The following GNB4 variants were observed in gnomAD, a reference collection of about 807,000 sequenced individuals.
The protein encoded by GNB4 is guanine nucleotide-binding protein subunit beta-4.
In GNB4, 28 loss-of-function variants were observed where a neutral mutation model predicts 45.2. The ratio of observed to expected loss-of-function variants is 0.62; its 90% CI spans 0.46 to 0.85. The LOEUF (loss-of-function observed/expected upper bound fraction) is 0.85. Among genes scored for constraint, GNB4 ranks in the 40% least tolerant of loss-of-function variants. The pLI is 0.00. For synonymous variants in GNB4, 132 were observed against 143.7 expected (o/e 0.92, Z 0.58); for missense variants, 321 against 425.4 (o/e 0.75, Z 2.16).
At chr3:179,471,174 G>A in the GNB4 span, among the ~76,000 whole-genome samples, 6 of 72,330 alleles carry the variant, frequency 8.3e-5, no homozygotes, top group Admixed American at 2.7e-4. Flanking sequence ...GCGAGACTCC[G>A]TCTCAAAAAA....
the GNB4 span, among the ~76,000 whole-genome samples, chr3:179,506,109 G>A: frequency 5.4e-3 from 818 of 152,308 alleles, 11 homozygotes; most frequent in African/African-American, 0.019. Flanking sequence ...TTGGGAGGCC[G>A]AGGCAGGAGG....
At chr3:179,464,454 G>A in the GNB4 span, 20 of 1,591,860 alleles carry the variant, frequency 1.3e-5, no homozygotes, top group Non-Finnish European at 1.5e-5. Context: ...TACAGATGAA[G>A]CTGTTGTAAT....
At chr3:179,526,780 T>A in the GNB4 span, among the ~76,000 whole-genome samples, 19 of 152,344 alleles carry the variant, frequency 1.2e-4, 2 homozygotes, top group African/African-American at 2.2e-4. Context: ...CTCTCTCTTT[T>A]TCTCATCAGC....
the GNB4 span, chr3:179,464,391 C>A: frequency 8.5e-7 from 1 of 1,172,940 alleles, no homozygotes; most frequent in South Asian, 1.2e-5. Flanking sequence ...CTGGCTGCTG[C>A]AGCCCGTGCA....
Position 179,416,526 on chromosome 3 carries a change from T to C in GNB4, c.234A>G (p.Lys78=), listed in dbSNP as rs1180070149. 3.8e-6 allele frequency: 6 copies of C among 1,596,006 alleles called. No individual in the cohort carries two copies. The African/African-American group carries it at 5.4e-5, about 14-fold the overall frequency. ...RLLVSASQDG[K]LIIWDSYTTN... is the part of the protein sequence containing the mutation. The stretch of plus-strand genomic sequence containing the variant: ...TTGTATAGCTATCCCAAATAATTAA[T>C]TTTCCATCTTGAGAAGCACTGACTA... Residue 78 remains lysine (K), a synonymous_variant, in exon 5 of 10, where the codon AAA becomes AAG. Transcript: ENST00000232564.
intron 3 of GNB4, 76 bp from the exon 4 acceptor site, chr3:179,419,581 G>A (rs1313985000): frequency 3.3e-6 from 3 of 909,318 alleles, no homozygotes; most frequent in African/African-American, 3.3e-5. Context: ...AAACAGTGAG[G>A]AGTTAAAAAA....
chr3:179,417,536 TA>T (rs1463274290), intron 4 of GNB4, among the ~76,000 whole-genome samples: 1 of 151,898 alleles, frequency 6.6e-6, no homozygotes, highest in African/African-American at 2.4e-5. Flanking sequence ...GCCTCCCGAA[TA>T]GCTGGCATAA....
At chr3:179,500,634 C>T in the GNB4 span, among the ~76,000 whole-genome samples, 1 of 152,154 alleles carries the variant, frequency 6.6e-6, no homozygotes, top group Non-Finnish European at 1.5e-5. Context: ...TCAAGGATAG[C>T]TTGATGGGGA....
chr3:179,429,245 C>T (rs1715234578), intron 1 of GNB4, among the ~76,000 whole-genome samples: 1 of 152,208 alleles, frequency 6.6e-6, no homozygotes, highest in South Asian at 2.1e-4. Context: ...GGGGTAAAAC[C>T]CCCAAGCTCA....
At chr3:179,456,284 G>A (rs1190755013), upstream of GNB4, among the ~76,000 whole-genome samples, 1 of 151,816 alleles carries the variant, frequency 6.6e-6, no homozygotes, top group Admixed American at 6.6e-5. Context: ...GTAGAGGCGG[G>A]GTTTCACCAT....
intron 8 of GNB4, among the ~76,000 whole-genome samples, chr3:179,408,873 A>G (rs572657303): frequency 5.3e-5 from 8 of 151,958 alleles, no homozygotes; most frequent in Admixed American, 3.9e-4. Flanking sequence ...AGGGCCAGGC[A>G]TGGTGGCTCA....
At chr3:179,416,596 GA>G in intron 4 of GNB4, 40 bp from the exon 5 acceptor site, 1 of 1,283,246 alleles carries the variant, frequency 7.8e-7, no homozygotes, top group Non-Finnish European at 1.1e-6. Flanking sequence ...CACTTAGAGG[GA>G]AAAAATAGCT....
intron 1 of GNB4, among the ~76,000 whole-genome samples, chr3:179,449,096 A>G (rs972240168): frequency 2.6e-5 from 4 of 152,252 alleles, no homozygotes; most frequent in African/African-American, 9.6e-5. Flanking sequence ...CCATCAAAAT[A>G]TCCTCTAGTT....
chr3:179,429,070 C>T (rs189478447), intron 1 of GNB4, among the ~76,000 whole-genome samples: 5 of 152,316 alleles, frequency 3.3e-5, no homozygotes, highest in Admixed American at 2.0e-4. Flanking sequence ...TGTCCCAGAC[C>T]CGGGCCCTTC....
intron 8 of GNB4, among the ~76,000 whole-genome samples, chr3:179,409,819 A>AC (rs397700694): frequency 1.7e-5 from 2 of 116,042 alleles, no homozygotes; most frequent in Admixed American, 1.8e-4. Context: ...AAAAAAAAAA[A>AC]CAAAAAAACA....
chr3:179,522,750 G>C, the GNB4 span, among the ~76,000 whole-genome samples: 1 of 152,228 alleles, frequency 6.6e-6, no homozygotes, highest in South Asian at 2.1e-4. Context: ...TGGAGTGAAT[G>C]TCAGGTGGAT....
intron 1 of GNB4, among the ~76,000 whole-genome samples, chr3:179,439,964 G>GC (rs1715556038): frequency 1.3e-5 from 2 of 152,162 alleles, no homozygotes; most frequent in East Asian, 3.8e-4. Context: ...CATTATTCTT[G>GC]TTCTTAATTC....
chr3:179,416,334 A>G (rs185703365), intron 5 of GNB4, among the ~76,000 whole-genome samples, 159 bp downstream of exon 5: 1 of 152,352 alleles, frequency 6.6e-6, no homozygotes, highest in African/African-American at 2.4e-5. Flanking sequence ...GTTAAACATT[A>G]AAAGTAAACA....
At chr3:179,443,981 C>T (rs1577040756) in intron 1 of GNB4, among the ~76,000 whole-genome samples, 1 of 152,150 alleles carries the variant, frequency 6.6e-6, no homozygotes, top group Non-Finnish European at 1.5e-5. Context: ...TTCCTATTCA[C>T]GTTTTTATCC....
Sources: allele counts gnomAD v4.1 joint callset (sites outside exome capture counted in the v4.1 genomes callset), GRCh38; gene constraint gnomAD v4.1.1; transcripts MANE v1.5; gene names NCBI Gene and HGNC (gene_info 2026-07-23, HGNC 2026-07-21).